The following GSDMA variants were observed in gnomAD, a reference collection of about 807,000 sequenced individuals.
The protein encoded by GSDMA is gasdermin-A.
In GSDMA, 55 loss-of-function variants were observed where a neutral mutation model predicts 54.3. That is an observed-to-expected ratio of 1.01 (90% CI 0.82 to 1.27). GSDMA has a LOEUF of 1.27. Ranked by LOEUF, GSDMA falls within the 50% of genes most tolerant of loss-of-function variation. The pLI, the probability that GSDMA is intolerant of heterozygous loss-of-function variation, is 0.00. For missense variants in GSDMA, 542 were observed against 542.6 expected (o/e 1.00, Z 0.01); for synonymous variants, 211 against 224.7 (o/e 0.94, Z 0.54).
At position 39,977,690 on chromosome 17, in the gene GSDMA, C is replaced by T. The variant is rs1399881870; in HGVS notation, c.*632C>T. On this transcript the variant is annotated 3_prime_UTR_variant, in exon 12 of 12. Transcript: ENST00000301659. ...AAAAGAAGATTAATTAATTTCCTAT[C>T]CTAATCCCTCCTACTTATACTTCCC... The T allele has an allele frequency of 1.3e-5, 2 of 152,222 alleles. No individual in the cohort carries two copies. Among genetic ancestry groups the T allele is most frequent in the Non-Finnish European group, 2.9e-5 (2 of 68,034 alleles). 9.4% of individuals were successfully genotyped at this position (152,222 alleles called of 1,614,324 possible).
rs772350364 is a variant in GSDMA at position 39,976,814 on chromosome 17, A to G, written c.1096-2A>G. The G allele has an allele frequency of 2.8e-5, 45 of 1,613,836 alleles. No individual in the cohort carries two copies. Among genetic ancestry groups the G allele is most frequent in the Non-Finnish European group, 3.6e-5 (43 of 1,179,870 alleles). On this transcript the variant is annotated splice_acceptor_variant, in intron 11 of 11. Coordinates refer to ENST00000301659, the MANE Select transcript of GSDMA (RefSeq NM_178171.5). LOFTEE classifies it high-confidence loss of function. Reference sequence around the variant, plus strand: ...TTTTCATGCTGTTTTGATTCCCTCCAGGTGGAGAGCACGATGGAACAGAAC... The same window carrying G: ...TTTTCATGCTGTTTTGATTCCCTCCGGGTGGAGAGCACGATGGAACAGAAC...
intron 3 of GSDMA, 135 bp downstream of exon 3, chr17:39,966,572 T>A: frequency 1.3e-6 from 1 of 754,766 alleles, no homozygotes; most frequent in South Asian, 2.2e-5. Context: ...GGGGAGCTCT[T>A]GGAGGCAACC....
chr17:39,963,408 C>A (rs1441808736), intron 1 of GSDMA, among the ~76,000 whole-genome samples: 2 of 151,684 alleles, frequency 1.3e-5, no homozygotes, highest in African/African-American at 4.8e-5. Context: ...TGCTTCCTGC[C>A]CCCCCTGCTG....
intron 11 of GSDMA, 91 bp from the exon 12 acceptor site, chr17:39,976,725 A>C: frequency 6.6e-7 from 1 of 1,525,622 alleles, no homozygotes; most frequent in Non-Finnish European, 9.0e-7. Context: ...AATTCTAATA[A>C]GGGGAATGTA....
Position 39,971,546 on chromosome 17 carries a change from C to T in GSDMA, c.581C>T (p.Ala194Val), listed in dbSNP as rs796931652. Residue 194 changes from alanine (A) to valine (V), a missense_variant, in exon 5 of 12, where the codon GCT becomes GTT. Physicochemically the swap from Ala to Val is moderately conservative, Grantham distance 64. Coordinates refer to ENST00000301659, the MANE Select transcript of GSDMA (RefSeq NM_178171.5). ...GLQGSINHKE[A>V]VTIPKGCVLA... The stretch of plus-strand genomic sequence containing the variant: ...TAGGGATCCATAAATCACAAGGAGG[C>T]TGTAACCATCCCCAAGGGCTGCGTC... 9 of 1,613,624 alleles carry T rather than the reference C, an allele frequency of 5.6e-6. No individual in the cohort carries two copies. In the African/African-American group the frequency reaches 1.1e-4, roughly 19 times the overall value.
intron 4 of GSDMA, 30 bp downstream of exon 4, chr17:39,970,677 ACACACACT>A (rs2144791156): frequency 3.6e-6 from 3 of 828,494 alleles, no homozygotes; most frequent in Non-Finnish European, 5.0e-6. Flanking sequence ...ACACACACAC[ACACACACT>A]CTCACACTCA....
At chr17:39,975,838 G>A in intron 10 of GSDMA, 86 bp from the exon 11 acceptor site, 1 of 981,892 alleles carries the variant, frequency 1.0e-6, no homozygotes, top group Admixed American at 2.2e-5. Flanking sequence ...AATGAATGAA[G>A]GCTGAAATTC....
At chr17:39,966,594 T>C (rs1282222506) in intron 3 of GSDMA, among the ~76,000 whole-genome samples, 157 bp downstream of exon 3, 2 of 152,166 alleles carry the variant, frequency 1.3e-5, no homozygotes, top group African/African-American at 4.8e-5. Context: ...TTCTGGCCCA[T>C]GGCTGCATCC....
At chr17:39,965,246 A>G (rs1452251345) in intron 1 of GSDMA, among the ~76,000 whole-genome samples, 15 of 59,944 alleles carry the variant, frequency 2.5e-4, no homozygotes, top group African/African-American at 6.3e-4. Context: ...GGAAGGAAGA[A>G]AGGGAGGGAG....
At position 39,974,800 on chromosome 17, in the gene GSDMA, A is replaced by G. The variant is rs35938904; in HGVS notation, c.907-100A>G. The G allele has an allele frequency of 0.013, 8,994 of 709,100 alleles. 628 individuals are homozygous for G. The African/African-American group carries it at 0.14, about 11-fold the overall frequency. The allele number at this position is 709,100 out of a possible 1,614,324, so 43.9% of individuals were successfully genotyped here. On this transcript the variant is annotated intron_variant, in intron 9 of 11. Transcript: ENST00000301659. ...GAGGCCTCGAAAAAGAAATCAGGAA[A>G]TGGAGAGAGTTTCCGCATGTCAAGG... is the stretch of plus-strand genomic sequence containing the variant.
rs373240051 is a variant in GSDMA, at chr17:39,974,422, C to T, written c.901C>T (p.Leu301Phe). The change falls in exon 9 of 12, where the codon CTC becomes TTC. Residue 301 changes from leucine to phenylalanine, a missense_variant. Leu to Phe is a conservative substitution (Grantham distance 22, BLOSUM62 0). Transcript: ENST00000301659. The part of the protein sequence containing the change: ...GKKKELQDLE[L>F]ALEGALDKGH... Reference sequence around the variant, plus strand: ...GAAAAAGGAGCTACAAGACCTTGAGCTCGCAGTGAGGACCTAGTGGAAGTG... The same window carrying T: ...GAAAAAGGAGCTACAAGACCTTGAGTTCGCAGTGAGGACCTAGTGGAAGTG... The T allele has an allele frequency of 4.4e-6, 7 of 1,577,954 alleles. No individual in the cohort carries two copies. The African/African-American group carries it at 9.5e-5, about 21-fold the overall frequency.
At position 39,977,017 on chromosome 17, in the gene GSDMA, G is replaced by A. The variant is rs1187307428; in HGVS notation, c.1297G>A (p.Ala433Thr). The A allele has an allele frequency of 4.3e-6, 7 of 1,613,874 alleles. No homozygotes were observed. Among genetic ancestry groups the A allele is most frequent in the South Asian group, 1.1e-5 (1 of 91,076 alleles). ...DTLPRLCALY[A>T]GLSLLQQLTK... ...CCTCCCTCGCCTCTGTGCTCTTTAT[G>A]CAGGCCTCTCTCTCCTTCAGCAGCT... The change falls in exon 12 of 12, where the codon GCA becomes ACA. Residue 433 changes from alanine to threonine, a missense_variant. Coordinates refer to ENST00000301659, the MANE Select transcript of GSDMA (RefSeq NM_178171.5).
At position 39,975,972 on chromosome 17, in the gene GSDMA, AG is replaced by A. The variant is rs1980180952; in HGVS notation, c.1071del (p.Ile358SerfsTer6). ...QKLLVKSMEK[K>X]ILPVQLKLVE... is the part of the protein sequence containing the mutation. ...CTGCTGGTGAAATCCATGGAGAAAA[AG>A]ATCCTACCCGTGCAGCTAAAGCTGG... On this transcript the variant is annotated frameshift_variant, in exon 11 of 12. Coordinates refer to ENST00000301659, the MANE Select transcript of GSDMA (RefSeq NM_178171.5). LOFTEE classifies it high-confidence loss of function. The A allele has an allele frequency of 6.3e-7, 1 of 1,599,250 alleles. No homozygotes were observed. Among genetic ancestry groups the A allele is most frequent in the Non-Finnish European group, 8.5e-7 (1 of 1,172,724 alleles).
At chr17:39,968,422 A>ACTG (rs1351737153) in intron 3 of GSDMA, among the ~76,000 whole-genome samples, 1 of 135,774 alleles carries the variant, frequency 7.4e-6, no homozygotes, top group Non-Finnish European at 1.5e-5. Flanking sequence ...ATACCAGGTC[A>ACTG]CTGCAACCTC....
Position 39,970,493 on chromosome 17 carries a change from C to A in GSDMA, c.404C>A (p.Ala135Glu). The change falls in exon 4 of 12, where the codon GCA becomes GAA. Residue 135 changes from alanine (A) to glutamate (E), a missense_variant. Coordinates refer to ENST00000301659, the MANE Select transcript of GSDMA (RefSeq NM_178171.5). ...LETVQERKLA[A>E]DHPFLKEMQD... is the part of the protein sequence containing the mutation. ...TTCTCCTGCAACAGGAAGCTGGCAGCAGACCACCCATTCCTGAAGGAGATG... is the reference window on the plus strand; with the variant it reads ...TTCTCCTGCAACAGGAAGCTGGCAGAAGACCACCCATTCCTGAAGGAGATG... The A allele has an allele frequency of 6.3e-7, 1 of 1,577,168 alleles. No individual in the cohort carries two copies. Among genetic ancestry groups the A allele is most frequent in the Non-Finnish European group, 8.6e-7 (1 of 1,161,346 alleles).
chr17:39,972,596 G>A lies in GSDMA; in HGVS notation c.713G>A (p.Gly238Glu). ...TTTTTTCTGTCTTCAGAAAAGTCAGGAGAGGAGAAGGTCATCCGTAAGTGT... is the reference window on the plus strand; with the variant it reads ...TTTTTTCTGTCTTCAGAAAAGTCAGAAGAGGAGAAGGTCATCCGTAAGTGT... The part of the protein sequence containing the change: ...MQTFPPGEKS[G>E]EEKVILIQAS... Residue 238 changes from glycine to glutamate, a missense_variant, in exon 7 of 12, where the codon GGA becomes GAA. Transcript: ENST00000301659. The A allele has an allele frequency of 5.0e-6, 8 of 1,613,064 alleles. No homozygotes were observed. Among genetic ancestry groups the A allele is most frequent in the Admixed American group, 1.7e-5 (1 of 59,882 alleles).
chr17:39,975,047 C>A, intron 10 of GSDMA, 33 bp downstream of exon 10: 2 of 1,187,152 alleles, frequency 1.7e-6, no homozygotes, highest in South Asian at 1.3e-5. Flanking sequence ...ATTTATAGAC[C>A]TTTTCAGTAA....
chr17:39,970,658 A>AACACAC lies in GSDMA; in HGVS notation c.558+32_558+37dup. Reference sequence around the variant, plus strand: ...CCATTGGGGCTACAGGTTTGATTCAAACACACACACACACACACACACACA... The same window carrying AACACAC: ...CCATTGGGGCTACAGGTTTGATTCAAACACACACACACACACACACACACACACACA... On this transcript the variant is annotated intron_variant, in intron 4 of 11. Coordinates refer to ENST00000301659, the MANE Select transcript of GSDMA (RefSeq NM_178171.5). 1.5e-6 allele frequency: 2 copies of AACACAC among 1,353,666 alleles called. No individual in the cohort carries two copies. The highest frequency in any genetic ancestry group is 1.9e-6 in the Non-Finnish European group (2 of 1,028,882). 83.9% of individuals were successfully genotyped at this position (1,353,666 alleles called of 1,614,324 possible).
chr17:39,975,630 G>C (rs1980167596), intron 10 of GSDMA, among the ~76,000 whole-genome samples: 1 of 152,104 alleles, frequency 6.6e-6, no homozygotes. Flanking sequence ...TTTAACTTCA[G>C]GGAGTAACAT....
Sources: allele counts gnomAD v4.1 joint callset (sites outside exome capture counted in the v4.1 genomes callset), GRCh38; gene constraint gnomAD v4.1.1; transcripts MANE v1.5; gene names NCBI Gene and HGNC (gene_info 2026-07-23, HGNC 2026-07-21).